SLC27A4: variants seen among roughly 807,000 people sequenced by gnomAD.
SLC27A4 encodes the protein solute carrier family 27 member 4.
SLC27A4 carries 33 observed loss-of-function variants against 64.4 expected under a neutral mutation model. That is an observed-to-expected ratio of 0.51 (90% CI 0.39 to 0.68). The LOEUF is 0.68. Among genes scored for constraint, SLC27A4 ranks in the 30% least tolerant of loss-of-function variants. SLC27A4 has a pLI of 0.00. For synonymous variants in SLC27A4, 377 were observed against 370.0 expected, an observed-to-expected ratio of 1.02 and a Z score of -0.22; for missense variants, 824 against 883.5, an observed-to-expected ratio of 0.93 and a Z score of 0.85.
chr9:128,360,628 A>C lies in SLC27A4; in HGVS notation c.*137A>C. 1.2e-6 allele frequency: 1 copy of C among 863,040 alleles called. No homozygotes were observed. Among genetic ancestry groups the C allele is most frequent in the Non-Finnish European group, 1.8e-6 (1 of 550,090 alleles). 53.5% of individuals were successfully genotyped at this position (863,040 alleles called of 1,614,324 possible). On this transcript the variant is annotated 3_prime_UTR_variant, in exon 13 of 13. Coordinates refer to ENST00000300456, the MANE Select transcript of SLC27A4 (RefSeq NM_005094.4). ...TCCTGAGGTGCTGCCCCTCCATCCAAAACTGCCAAGTGACTCATTGCCTTC... is the reference window on the plus strand; with the variant it reads ...TCCTGAGGTGCTGCCCCTCCATCCACAACTGCCAAGTGACTCATTGCCTTC...
At position 128,353,360 on chromosome 9, in the gene SLC27A4, G is replaced by GCT. The variant is rs1832766008; in HGVS notation, c.1198-55_1198-54insCT. The GCT allele has an allele frequency of 6.2e-7, 1 of 1,613,924 alleles. No individual in the cohort carries two copies. The highest frequency in any genetic ancestry group is 1.3e-5 in the African/African-American group (1 of 74,916). On this transcript the variant is annotated intron_variant, in intron 8 of 12. Transcript: ENST00000300456. This position sits in a 1 kb window ranked among gnomAD's most constrained non-coding sequence, Gnocchi z 4.9. The stretch of plus-strand genomic sequence containing the variant: ...GCTGGAGTCCCACTTCCCCCTCATT[G>GCT]TCCAGTTTTGGGCCCATGGTGAGAG...
chr9:128,355,960 C>G (rs1034746224), intron 12 of SLC27A4, among the ~76,000 whole-genome samples, 164 bp downstream of exon 12: 11 of 152,168 alleles, frequency 7.2e-5, no homozygotes, highest in African/African-American at 2.7e-4. Context: ...GCAGAGAAGA[C>G]ACACATTGTT....
intron 2 of SLC27A4, among the ~76,000 whole-genome samples, chr9:128,344,362 CA>C (rs1232986369): frequency 1.3e-5 from 2 of 151,978 alleles, no homozygotes. Flanking sequence ...TACCAAAATA[CA>C]AAAAAGTTAG....
Position 128,353,775 on chromosome 9 carries a change from G to A in SLC27A4, c.1324+234G>A, listed in dbSNP as rs146837940. On this transcript the variant is annotated intron_variant, in intron 9 of 12. Coordinates refer to ENST00000300456, the MANE Select transcript of SLC27A4 (RefSeq NM_005094.4). The surrounding 1 kb of genome is among the most constrained non-coding windows in gnomAD (Gnocchi z 4.9). ...TTTTTTTTATTTGAGACGGAGTCTC[G>A]CTCTGTCGCCCAGGCTGGAGTGCAG... Among the ~76,000 whole-genome samples, 12,025 of 115,378 alleles carry A rather than the reference G, an allele frequency of 0.1. 39 individuals carry two copies. Among genetic ancestry groups the A allele is most frequent in the African/African-American group, 0.35 (7,090 of 20,344 alleles). The allele number at this position is 115,378 out of a possible 152,430, so 75.7% of individuals were successfully genotyped here.
Position 128,355,571 on chromosome 9 carries a change from A to C in SLC27A4, c.1627+9A>C. On this transcript the variant is annotated intron_variant, in intron 11 of 12. Coordinates refer to ENST00000300456, the MANE Select transcript of SLC27A4 (RefSeq NM_005094.4). ...TGGTGTCGAGGTGCCAGGTATGTGC[A>C]GGCAGGCGCGAGGTGTGGGTAGGGA... 1 of 1,609,024 alleles carries C rather than the reference A, an allele frequency of 6.2e-7. No individual in the cohort carries two copies. The highest frequency in any genetic ancestry group is 8.5e-7 in the Non-Finnish European group (1 of 1,179,994).
chr9:128,352,981 A>T, intron 7 of SLC27A4, 44 bp from the exon 8 acceptor site: 1 of 1,529,892 alleles, frequency 6.5e-7, no homozygotes, highest in South Asian at 1.2e-5. Context: ...TAGTGTAGTG[A>T]GGGCAGCCTC....
intron 12 of SLC27A4, among the ~76,000 whole-genome samples, chr9:128,357,196 A>C (rs1171095601): frequency 7.0e-6 from 1 of 142,360 alleles, no homozygotes; most frequent in Non-Finnish European, 1.5e-5. Flanking sequence ...TGGGAGGTGG[A>C]GGTTGCAGTA....
chr9:128,350,087 C>T (rs1468629767), intron 4 of SLC27A4, among the ~76,000 whole-genome samples: 1 of 152,226 alleles, frequency 6.6e-6, no homozygotes, highest in Non-Finnish European at 1.5e-5. Context: ...TCACTGATGT[C>T]TCTCTCCACC....
Position 128,353,743 on chromosome 9 carries a change from C to CT in SLC27A4, c.1324+216dup, listed in dbSNP as rs567257198. 0.014 allele frequency among the ~76,000 whole-genome samples: 1,995 copies of CT among 140,904 alleles called. 39 individuals are homozygous for CT. Among genetic ancestry groups the CT allele is most frequent in the Middle Eastern group, 0.036 (10 of 280 alleles). 92.4% of individuals were successfully genotyped at this position (140,904 alleles called of 152,430 possible). A position where few individuals can be genotyped will look rare whatever the true frequency, so the allele number is the denominator to read the frequency against. ...CTGTACATCAGTCCATTCATTCATT[C>CT]TTTTTTTTTTTTTTATTTGAGACGG... On this transcript the variant is annotated intron_variant, in intron 9 of 12. Coordinates refer to ENST00000300456, the MANE Select transcript of SLC27A4 (RefSeq NM_005094.4). This position sits in a 1 kb window ranked among gnomAD's most constrained non-coding sequence, Gnocchi z 4.9.
Position 128,360,390 on chromosome 9 carries a change from G to A in SLC27A4, c.1831G>A (p.Val611Met), listed in dbSNP as rs781136695. The stretch of plus-strand genomic sequence containing the variant: ...GAAGGAGGGCTTTGACCCGGCTATT[G>A]TGAAAGACCCGCTGTTCTATCTAGA... ...LRKEGFDPAIVKDPLFYLDAQ... is the reference protein window; with the variant it reads ...LRKEGFDPAIMKDPLFYLDAQ... The change falls in exon 13 of 13, where the codon GTG (valine) becomes ATG (methionine). Residue 611 changes from valine (V) to methionine (M), a missense_variant. By Grantham distance (21) the Val-to-Met change is conservative (BLOSUM62 1). Transcript: ENST00000300456. The A allele has an allele frequency of 6.2e-7, 1 of 1,614,170 alleles. No individual in the cohort carries two copies. The highest frequency in any genetic ancestry group is 1.1e-5 in the South Asian group (1 of 91,082).
Position 128,345,567 on chromosome 9 carries a change from G to A in SLC27A4, c.556+18G>A, listed in dbSNP as rs563710111. On this transcript the variant is annotated intron_variant, in intron 3 of 12. Transcript: ENST00000300456. The surrounding 1 kb of genome is among the most constrained non-coding windows in gnomAD (Gnocchi z 4.1). Reference sequence around the variant, plus strand: ...GGCCTCAGGTGAGCCCCAAGGGGGCGGGGGACAAGCAGGAACCCCATGGGA... The same window carrying A: ...GGCCTCAGGTGAGCCCCAAGGGGGCAGGGGACAAGCAGGAACCCCATGGGA... 133 of 1,591,124 alleles carry A rather than the reference G, an allele frequency of 8.4e-5. No homozygotes were observed. Among genetic ancestry groups the A allele is most frequent in the Middle Eastern group, 1.9e-4 (1 of 5,324 alleles).
At position 128,360,416 on chromosome 9, in the gene SLC27A4, T is replaced by A; in HGVS notation, c.1857T>A (p.Asp619Glu). Reference sequence around the variant, plus strand: ...TGAAAGACCCGCTGTTCTATCTAGATGCCCAGAAGGGCCGCTACGTCCCGC... The same window carrying A: ...TGAAAGACCCGCTGTTCTATCTAGAAGCCCAGAAGGGCCGCTACGTCCCGC... ...AIVKDPLFYL[D>E]AQKGRYVPLD... is the part of the protein sequence containing the mutation. The change falls in exon 13 of 13, where the codon GAT (aspartate) becomes GAA (glutamate). Residue 619 changes from aspartate to glutamate, a missense_variant. By Grantham distance (45) the Asp-to-Glu change is conservative. Transcript: ENST00000300456. The A allele has an allele frequency of 6.2e-7, 1 of 1,614,132 alleles. No homozygotes were observed. The highest frequency in any genetic ancestry group is 8.5e-7 in the Non-Finnish European group (1 of 1,180,014).
intron 1 of SLC27A4, among the ~76,000 whole-genome samples, chr9:128,341,434 C>G (rs1832570283): frequency 6.6e-6 from 1 of 152,208 alleles, no homozygotes; most frequent in African/African-American, 2.4e-5. Flanking sequence ...TTCGCCTTCC[C>G]CTAAGCCCTA....
chr9:128,360,136 A>G (rs934250860), intron 12 of SLC27A4, among the ~76,000 whole-genome samples, 198 bp from the exon 13 acceptor site: 2 of 152,182 alleles, frequency 1.3e-5, no homozygotes, highest in African/African-American at 4.8e-5. Flanking sequence ...GGTAACTAGC[A>G]GCTGTCCCCA....
At chr9:128,341,294 T>C (rs1396474357) in intron 1 of SLC27A4, among the ~76,000 whole-genome samples, 1 of 152,196 alleles carries the variant, frequency 6.6e-6, no homozygotes, top group African/African-American at 2.4e-5. Context: ...GACCTTCATC[T>C]ACTCCCAAGA....
Position 128,353,354 on chromosome 9 carries a change from C to G in SLC27A4, c.1198-61C>G. On this transcript the variant is annotated intron_variant, in intron 8 of 12. Coordinates refer to ENST00000300456, the MANE Select transcript of SLC27A4 (RefSeq NM_005094.4). This position sits in a 1 kb window ranked among gnomAD's most constrained non-coding sequence, Gnocchi z 4.9. The stretch of plus-strand genomic sequence containing the variant: ...GTGGGTGCTGGAGTCCCACTTCCCC[C>G]TCATTGTCCAGTTTTGGGCCCATGG... The G allele has an allele frequency of 1.9e-6, 3 of 1,613,830 alleles. No individual in the cohort carries two copies. The highest frequency in any genetic ancestry group is 2.5e-6 in the Non-Finnish European group (3 of 1,179,856).
intron 12 of SLC27A4, among the ~76,000 whole-genome samples, chr9:128,357,261 CAAAA>C (rs1007585471): frequency 2.0e-5 from 1 of 50,954 alleles, no homozygotes. Context: ...GACTCTGTCT[CAAAA>C]AAAAAAAAAA....
At chr9:128,346,845 CA>C (rs202028048) in intron 3 of SLC27A4, among the ~76,000 whole-genome samples, 8 of 148,928 alleles carry the variant, frequency 5.4e-5, no homozygotes, top group African/African-American at 1.2e-4. Flanking sequence ...AATAAAAATG[CA>C]AAAAAAAACC....
intron 7 of SLC27A4, 28 bp from the exon 8 acceptor site, chr9:128,352,997 C>T (rs1832760097): frequency 1.3e-6 from 2 of 1,589,512 alleles, no homozygotes. Flanking sequence ...GCCTCTGGAG[C>T]CTCGAATCAC....
Sources: allele counts gnomAD v4.1 joint callset (sites outside exome capture counted in the v4.1 genomes callset), GRCh38; gene constraint gnomAD v4.1.1; non-coding constraint Gnocchi (gnomAD v3.1); transcripts MANE v1.5; gene names NCBI Gene and HGNC (gene_info 2026-07-23, HGNC 2026-07-21).